The following FBXW10B variants were observed in gnomAD, a reference collection of about 807,000 sequenced individuals.
FBXW10B encodes the protein F-box and WD repeat domain containing 10B.
chr17:15,603,761 T>C, the FBXW10B span, among the ~76,000 whole-genome samples: 2 of 143,106 alleles, frequency 1.4e-5, no homozygotes, highest in African/African-American at 2.6e-5. Context: ...CTGGCAGCAT[T>C]CTTTGAAATA....
the FBXW10B span, among the ~76,000 whole-genome samples, chr17:15,596,265 G>A: frequency 5.3e-5 from 8 of 152,072 alleles, no homozygotes; most frequent in Non-Finnish European, 1.2e-4. Context: ...CATATCTCAT[G>A]CTGAGTCAGA....
the FBXW10B span, among the ~76,000 whole-genome samples, chr17:15,590,218 A>G: frequency 6.6e-6 from 1 of 151,958 alleles, no homozygotes; most frequent in Non-Finnish European, 1.5e-5. Flanking sequence ...TGTGAGGATG[A>G]AATGAATTGT....
the FBXW10B span, among the ~76,000 whole-genome samples, chr17:15,581,172 C>T: frequency 6.6e-6 from 1 of 152,192 alleles, no homozygotes; most frequent in African/African-American, 2.4e-5. Flanking sequence ...TTTTAAATAA[C>T]TAGTTAACTT....
chr17:15,598,179 G>A, the FBXW10B span, among the ~76,000 whole-genome samples: 72 of 152,188 alleles, frequency 4.7e-4, no homozygotes, highest in East Asian at 0.012. Flanking sequence ...GTTGTTCATG[G>A]ACTTATTATA....
the FBXW10B span, among the ~76,000 whole-genome samples, chr17:15,603,628 G>A: frequency 3.3e-5 from 5 of 151,990 alleles, no homozygotes; most frequent in Admixed American, 2.0e-4. Context: ...CAATGGGAAT[G>A]TAAATTAATA....
the FBXW10B span, among the ~76,000 whole-genome samples, chr17:15,612,108 C>T: frequency 6.6e-6 from 1 of 152,132 alleles, no homozygotes; most frequent in Non-Finnish European, 1.5e-5. Context: ...TGACCTGGTG[C>T]CATGGACACA....
the FBXW10B span, among the ~76,000 whole-genome samples, chr17:15,611,578 C>T: frequency 4.6e-5 from 7 of 152,244 alleles, no homozygotes; most frequent in African/African-American, 1.4e-4. Context: ...CCACACCACC[C>T]GTCTCCTCCT....
chr17:15,601,302 G>C, the FBXW10B span, among the ~76,000 whole-genome samples: 1 of 149,518 alleles, frequency 6.7e-6, no homozygotes, highest in Non-Finnish European at 1.5e-5. Context: ...CCAGCTACTC[G>C]GGAGGCTGAG....
chr17:15,604,660 G>A, the FBXW10B span, among the ~76,000 whole-genome samples: 9 of 152,032 alleles, frequency 5.9e-5, no homozygotes, highest in African/African-American at 2.2e-4. Context: ...TCAGCGTCCC[G>A]AGTAGCTGGG....
chr17:15,597,165 C>G, the FBXW10B span, among the ~76,000 whole-genome samples: 5 of 151,940 alleles, frequency 3.3e-5, no homozygotes, highest in African/African-American at 1.2e-4. Flanking sequence ...CATCTACCCT[C>G]ACTTACATTT....
chr17:15,592,457 G>A, the FBXW10B span, among the ~76,000 whole-genome samples: 5 of 151,976 alleles, frequency 3.3e-5, no homozygotes, highest in Admixed American at 6.6e-5. Flanking sequence ...TCTCAAGTGA[G>A]CTTGAAGTAG....
chr17:15,606,220 C>T, the FBXW10B span, among the ~76,000 whole-genome samples: 25 of 141,114 alleles, frequency 1.8e-4, 2 homozygotes, highest in South Asian at 4.8e-4. Flanking sequence ...TGAGCCACCA[C>T]GCCCAACCTG....
the FBXW10B span, among the ~76,000 whole-genome samples, chr17:15,569,737 T>C: frequency 6.6e-6 from 1 of 152,038 alleles, no homozygotes; most frequent in East Asian, 1.9e-4. Context: ...ACCCAGCTAA[T>C]TTTGTTTTTA....
the FBXW10B span, among the ~76,000 whole-genome samples, chr17:15,590,590 C>T: frequency 7.4e-5 from 11 of 149,238 alleles, no homozygotes; most frequent in Non-Finnish European, 1.5e-5. Context: ...CCCTCCTGCT[C>T]CCGGTCACGT....
chr17:15,567,115 C>CA, the FBXW10B span, among the ~76,000 whole-genome samples: 14 of 150,918 alleles, frequency 9.3e-5, 1 homozygote, highest in Admixed American at 9.2e-4. Context: ...ACTAAAAATA[C>CA]AAAAAAATTA....
At chr17:15,598,740 T>C in the FBXW10B span, 8 of 1,564,980 alleles carry the variant, frequency 5.1e-6, no homozygotes, top group East Asian at 6.8e-5. Flanking sequence ...AATTAGTTAG[T>C]TGGGAGGCAG....
the FBXW10B span, among the ~76,000 whole-genome samples, chr17:15,585,121 GGAA>G: frequency 6.6e-6 from 1 of 151,448 alleles, no homozygotes; most frequent in African/African-American, 2.4e-5. Context: ...TTACCTTATT[GGAA>G]GAAGAACAAC....
chr17:15,568,015 A>G, the FBXW10B span, among the ~76,000 whole-genome samples: 1 of 152,136 alleles, frequency 6.6e-6, no homozygotes, highest in African/African-American at 2.4e-5. Flanking sequence ...AAAAATACTC[A>G]GTGGAAAGTA....
the FBXW10B span, among the ~76,000 whole-genome samples, chr17:15,569,544 C>T: frequency 7.1e-6 from 1 of 141,144 alleles, no homozygotes; most frequent in African/African-American, 2.8e-5. Context: ...TCACTGCACC[C>T]TTAACCTCCA....
Sources: allele counts gnomAD v4.1 joint callset (sites outside exome capture counted in the v4.1 genomes callset), GRCh38; gene constraint gnomAD v4.1.1; transcripts MANE v1.5; gene names NCBI Gene and HGNC (gene_info 2026-07-23, HGNC 2026-07-21).